KCNB2: variants seen among roughly 807,000 people sequenced by gnomAD.
KCNB2 encodes the protein potassium voltage-gated channel subfamily B member 2, also known as delayed rectifier potassium channel protein.
Under a neutral mutation model 61.5 loss-of-function variants are expected in KCNB2, and 15 were observed. The observed-to-expected ratio is 0.24, with a 90% CI of 0.16 to 0.38. KCNB2 has a LOEUF of 0.38. Among genes scored for constraint, KCNB2 ranks in the 10% least tolerant of loss-of-function variants. KCNB2 has a pLI of 1.00. For synonymous variants in KCNB2, 457 were observed against 446.0 expected (o/e 1.02, Z -0.31); for missense variants, 828 against 1,125.2 (o/e 0.74, Z 3.78).
chr8:72,882,346 G>C (rs1805724109), intron 2 of KCNB2, among the ~76,000 whole-genome samples: 1 of 152,212 alleles, frequency 6.6e-6, no homozygotes, highest in Admixed American at 6.5e-5. Flanking sequence ...ATGCAAGTAA[G>C]TGAGGAAGTG....
At position 72,845,988 on chromosome 8, in the gene KCNB2, GA is replaced by G. The variant is rs398112603; in HGVS notation, c.580-89933del. The stretch of plus-strand genomic sequence containing the variant: ...GGCATTCCAGGCACCACTGGGGTAT[GA>G]AAAAAAAAAAAAACTCTGGCAGCTA... On this transcript the variant is annotated intron_variant, in intron 2 of 2. Coordinates refer to ENST00000523207, the MANE Select transcript of KCNB2 (RefSeq NM_004770.3). 1.0e-3 allele frequency among the ~76,000 whole-genome samples: 149 copies of G among 143,700 alleles called. 1 individual carries two copies. Among genetic ancestry groups the G allele is most frequent in the African/African-American group, 2.6e-3 (102 of 38,602 alleles). 94.3% of individuals were successfully genotyped at this position (143,700 alleles called of 152,430 possible).
At chr8:72,729,592 A>G (rs1476982505) in intron 2 of KCNB2, among the ~76,000 whole-genome samples, 1 of 152,182 alleles carries the variant, frequency 6.6e-6, no homozygotes, top group Non-Finnish European at 1.5e-5. Flanking sequence ...TCCTAAGAAT[A>G]TTTGGGTCTT....
At chr8:72,923,398 C>T (rs1044452516) in intron 2 of KCNB2, among the ~76,000 whole-genome samples, 1 of 152,098 alleles carries the variant, frequency 6.6e-6, no homozygotes, top group African/African-American at 2.4e-5. Context: ...GGATAAAATA[C>T]TTGGATTTAT....
At chr8:72,550,075 C>T (rs764364301) in intron 1 of KCNB2, among the ~76,000 whole-genome samples, 5 of 152,242 alleles carry the variant, frequency 3.3e-5, no homozygotes, top group Non-Finnish European at 7.3e-5. Context: ...CCCATCTCTT[C>T]ATCCAGAATT....
At chr8:72,823,056 A>G (rs1809537307) in intron 2 of KCNB2, among the ~76,000 whole-genome samples, 1 of 151,712 alleles carries the variant, frequency 6.6e-6, no homozygotes, top group South Asian at 2.1e-4. Context: ...CCTAAGAAGG[A>G]GGAAGGGAAT....
intron 2 of KCNB2, among the ~76,000 whole-genome samples, chr8:72,737,770 C>T (rs114844987): frequency 0.011 from 1,689 of 152,268 alleles, 32 homozygotes; most frequent in African/African-American, 0.039. Context: ...GTCTGCATTC[C>T]TTCTCCTCAG....
At chr8:72,848,516 A>G (rs1259620097) in intron 2 of KCNB2, among the ~76,000 whole-genome samples, 1 of 152,172 alleles carries the variant, frequency 6.6e-6, no homozygotes, top group Non-Finnish European at 1.5e-5. Context: ...TATTTGGGCA[A>G]TGTCACAATT....
intron 2 of KCNB2, among the ~76,000 whole-genome samples, chr8:72,918,428 A>G (rs1806442187): frequency 6.6e-6 from 1 of 152,186 alleles, no homozygotes; most frequent in Non-Finnish European, 1.5e-5. Flanking sequence ...TTGTTTTGCT[A>G]AGCTTAATGT....
chr8:72,594,724 C>T (rs1308420274), intron 2 of KCNB2, among the ~76,000 whole-genome samples: 4 of 152,106 alleles, frequency 2.6e-5, no homozygotes, highest in African/African-American at 9.7e-5. Context: ...TAAAAGAGTA[C>T]AGATGCCCCT....
At chr8:72,865,810 A>C (rs550217148) in intron 2 of KCNB2, among the ~76,000 whole-genome samples, 1 of 152,204 alleles carries the variant, frequency 6.6e-6, no homozygotes, top group South Asian at 2.1e-4. Context: ...TCCCCTGACC[A>C]TCCTAAGGAA....
chr8:72,771,771 G>A (rs767916855), intron 2 of KCNB2, among the ~76,000 whole-genome samples: 6 of 152,074 alleles, frequency 3.9e-5, no homozygotes, highest in Non-Finnish European at 1.5e-5. Context: ...TATTCAAGGA[G>A]CTGGAAAGAG....
chr8:72,755,247 G>A lies in KCNB2; in HGVS notation c.580-180688G>A, dbSNP rs1344066503. ...GGCCTAAGGAGACATGATGACTAAA[G>A]GTACTGTGGTATCCTGGATGGGATG... On this transcript the variant is annotated intron_variant, in intron 2 of 2. Transcript: ENST00000523207. 2.0e-5 allele frequency among the ~76,000 whole-genome samples: 3 copies of A among 152,138 alleles called. 1 individual carries two copies. Among genetic ancestry groups the A allele is most frequent in the Admixed American group, 2.0e-4 (3 of 15,268 alleles).
In KCNB2 at chr8:72,936,261, C is replaced by A. The variant is rs1263127118; in HGVS notation, c.906C>A (p.Ile302=). The part of the protein sequence containing the change: ...QFQNVRRVVQ[I]FRIMRILRIL... ...AAAACGTGAGGCGCGTGGTCCAGAT[C>A]TTCCGAATCATGCGCATCCTCAGGA... is the stretch of plus-strand genomic sequence containing the variant. Residue 302 remains isoleucine (I), a synonymous_variant, in exon 3 of 3, where the codon ATC becomes ATA. Transcript: ENST00000523207. This position sits in a 1 kb window ranked among gnomAD's most constrained non-coding sequence, Gnocchi z 5.6. 3 of 1,614,270 alleles carry A rather than the reference C, an allele frequency of 1.9e-6. No homozygotes were observed. The highest frequency in any genetic ancestry group is 1.7e-5 in the Admixed American group (1 of 60,036).
chr8:72,546,074 C>A (rs1205468650), intron 1 of KCNB2, among the ~76,000 whole-genome samples: 1 of 152,102 alleles, frequency 6.6e-6, no homozygotes, highest in Non-Finnish European at 1.5e-5. Flanking sequence ...AGGGCACATT[C>A]CTTCTTTAGA....
intron 2 of KCNB2, among the ~76,000 whole-genome samples, chr8:72,661,651 A>G (rs1257311785): frequency 1.3e-5 from 2 of 152,180 alleles, no homozygotes; most frequent in Non-Finnish European, 2.9e-5. Flanking sequence ...CATTCACAGC[A>G]TCTTTTAGTG....
In KCNB2 at chr8:72,929,609, G is replaced by C. The variant is rs549620011; in HGVS notation, c.580-6326G>C. On this transcript the variant is annotated intron_variant, in intron 2 of 2. Transcript: ENST00000523207. ...CATCATCAACTGTGACTTGTCCTGG[G>C]TTTGGTTGACAGACATGACTGGAAT... 3.3e-5 allele frequency among the ~76,000 whole-genome samples: 5 copies of C among 152,214 alleles called. No individual in the cohort carries two copies. In the South Asian group the frequency reaches 1.0e-3, roughly 32 times the overall value.
At chr8:72,799,624 T>C (rs796960357) in intron 2 of KCNB2, among the ~76,000 whole-genome samples, 3 of 152,186 alleles carry the variant, frequency 2.0e-5, no homozygotes, top group African/African-American at 7.2e-5. Flanking sequence ...TCCATGACCA[T>C]AGAGTTACAA....
chr8:72,705,456 T>G (rs759320107), intron 2 of KCNB2, among the ~76,000 whole-genome samples: 1 of 152,254 alleles, frequency 6.6e-6, no homozygotes, highest in Non-Finnish European at 1.5e-5. Context: ...ACAGATGACA[T>G]TAGAAGGCAT....
chr8:72,828,691 A>G (rs182307465), intron 2 of KCNB2, among the ~76,000 whole-genome samples: 30 of 152,354 alleles, frequency 2.0e-4, no homozygotes, highest in Admixed American at 2.0e-3. Flanking sequence ...AGCTAAGATC[A>G]TTCATTTTCC....
Sources: allele counts gnomAD v4.1 joint callset (sites outside exome capture counted in the v4.1 genomes callset), GRCh38; gene constraint gnomAD v4.1.1; non-coding constraint Gnocchi (gnomAD v3.1); transcripts MANE v1.5; gene names NCBI Gene and HGNC (gene_info 2026-07-23, HGNC 2026-07-21).